The following SEPTIN4 variants were observed in gnomAD, a reference collection of about 807,000 sequenced individuals.
The protein encoded by SEPTIN4 is septin-4.
A neutral mutation model predicts 107.1 loss-of-function variants in SEPTIN4; 52 were observed. The observed-to-expected ratio is 0.49, with a 90% CI of 0.39 to 0.61. SEPTIN4 has a LOEUF of 0.61. Ranked by LOEUF, SEPTIN4 falls within the 20% of genes least tolerant of loss-of-function variation. The pLI is 0.00. For missense variants in SEPTIN4, 1,048 were observed against 1,243.5 expected (o/e 0.84, Z 2.36); for synonymous variants, 417 against 467.0 (o/e 0.89, Z 1.38).
rs371430069 is a variant in SEPTIN4, at chr17:58,521,092, G to A, written c.2737C>T (p.Leu913=). ...TMLVRTHMQD[L]KDVTRETHYE... ...TGTGTCTCCCGTGTCACATCCTTCA[G>A]GTCCTGCATGTGGGTACGTACCAGC... Residue 913 remains leucine (L), a synonymous_variant, in exon 12 of 14, where the codon CTG becomes TTG. Coordinates refer to ENST00000672673, the MANE Select transcript of SEPTIN4 (RefSeq NM_001368771.2). This position sits in a 1 kb window ranked among gnomAD's most constrained non-coding sequence, Gnocchi z 6.4. 5.1e-5 allele frequency: 82 copies of A among 1,614,054 alleles called. No individual in the cohort carries two copies. The highest frequency in any genetic ancestry group is 3.3e-4 in the Middle Eastern group (2 of 6,084).
Position 58,544,036 on chromosome 17 carries a change from G to T in SEPTIN4, c.151C>A (p.Arg51=). 2 of 1,614,122 alleles carry T rather than the reference G, an allele frequency of 1.2e-6. No homozygotes were observed. Among genetic ancestry groups the T allele is most frequent in the Non-Finnish European group, 1.7e-6 (2 of 1,180,032 alleles). ...SAAVSLNPSH[R]RSEAAHPTTP... is the part of the protein sequence containing the mutation. ...GTGGGATGTGCAGCTTCTGATCTTCGGTGGGAAGGGTTCAGGGAGACTGCA... is the reference window on the plus strand; with the variant it reads ...GTGGGATGTGCAGCTTCTGATCTTCTGTGGGAAGGGTTCAGGGAGACTGCA... Residue 51 remains arginine (R), a synonymous_variant, in exon 1 of 14, where the codon CGA becomes AGA. Transcript: ENST00000672673.
Position 58,521,853 on chromosome 17 carries a change from C to T in SEPTIN4, c.2352G>A (p.Gly784=). The change falls in exon 9 of 14, where the codon GGG becomes GGA. Residue 784 remains glycine, a splice_region_variant and synonymous_variant. Coordinates refer to ENST00000672673, the MANE Select transcript of SEPTIN4 (RefSeq NM_001368771.2). This position sits in a 1 kb window ranked among gnomAD's most constrained non-coding sequence, Gnocchi z 6.4. Reference sequence around the variant, plus strand: ...TGAATTCAACATCCAATGGCCGGAGCCTGGGGAACAGGAACCTGTGACCAC... The same window carrying T: ...TGAATTCAACATCCAATGGCCGGAGTCTGGGGAACAGGAACCTGTGACCAC... The part of the protein sequence containing the change: ...CLYFISPFGH[G]LRPLDVEFMK... The T allele has an allele frequency of 4.3e-6, 7 of 1,614,200 alleles. No individual in the cohort carries two copies. Among genetic ancestry groups the T allele is most frequent in the Non-Finnish European group, 5.9e-6 (7 of 1,180,040 alleles).
At position 58,526,976 on chromosome 17, in the gene SEPTIN4, G is replaced by A. The variant is rs200119256; in HGVS notation, c.1617C>T (p.Ile539=). 1 of 1,614,066 alleles carries A rather than the reference G, an allele frequency of 6.2e-7. No homozygotes were observed. The highest frequency in any genetic ancestry group is 2.2e-5 in the East Asian group (1 of 44,882). ...CCGTGGTGTCCTCCAGGAAACGCTT[G>A]ATCTGGGGGAAGCGGGGTGGGTAGA... The part of the protein sequence containing the change: ...RVIWWLKDEE[I]KRFLEDTTDD... The change falls in exon 4 of 14, where the codon ATC becomes ATT. Residue 539 remains isoleucine (I), a splice_region_variant and synonymous_variant. Transcript: ENST00000672673.
chr17:58,521,171 A>G lies in SEPTIN4; in HGVS notation c.2669-11T>C. ...GCCCTGGGTTTTCCACTGCATAGCA[A>G]GGCTAGGGGTCAGCCAGAGGCATAG... On this transcript the variant is annotated splice_polypyrimidine_tract_variant and intron_variant, in intron 11 of 13. Coordinates refer to ENST00000672673, the MANE Select transcript of SEPTIN4 (RefSeq NM_001368771.2). This position sits in a 1 kb window ranked among gnomAD's most constrained non-coding sequence, Gnocchi z 6.4. 1 of 1,614,178 alleles carries G rather than the reference A, an allele frequency of 6.2e-7. No homozygotes were observed. The highest frequency in any genetic ancestry group is 1.1e-5 in the South Asian group (1 of 91,082).
intron 4 of SEPTIN4, 167 bp downstream of exon 4, chr17:58,526,515 T>C (rs866778979): frequency 1.4e-6 from 2 of 1,396,612 alleles, no homozygotes; most frequent in Middle Eastern, 1.9e-4. Flanking sequence ...TGGGGGCAGA[T>C]ATCTTGGAGC....
Position 58,520,998 on chromosome 17 carries a change from T to C in SEPTIN4, c.2831A>G (p.Asn944Ser). 2 of 1,614,006 alleles carry C rather than the reference T, an allele frequency of 1.2e-6. No individual in the cohort carries two copies. The highest frequency in any genetic ancestry group is 1.7e-6 in the Non-Finnish European group (2 of 1,179,998). Residue 944 changes from asparagine to serine, a missense_variant and splice_region_variant, in exon 12 of 14, where the codon AAC becomes AGC. By Grantham distance (46) the Asn-to-Ser change is conservative (BLOSUM62 1). Transcript: ENST00000672673. ...GCTTTGTCCTGGCTTCTGGTCATAC[T>C]TGCGATTCCGTTCCTTCACCACCAG... ...TRLVVKERNR[N>S]KLTRESGTDF...
intron 7 of SEPTIN4, among the ~76,000 whole-genome samples, chr17:58,522,723 C>G (rs2042409728): frequency 6.6e-6 from 1 of 151,392 alleles, no homozygotes. Flanking sequence ...CAAATACCAA[C>G]TGGAAGCCAG....
At chr17:58,520,917 G>A in intron 12 of SEPTIN4, 75 bp from the exon 13 acceptor site, 1 of 1,611,792 alleles carries the variant, frequency 6.2e-7, no homozygotes, top group Non-Finnish European at 8.5e-7. Flanking sequence ...GCCTATAGAA[G>A]AACAAAAGTA....
chr17:58,531,850 C>G (rs2043493636), intron 3 of SEPTIN4: 1 of 1,026,374 alleles, frequency 9.7e-7, no homozygotes, highest in African/African-American at 1.7e-5. Flanking sequence ...GCCTCCCACC[C>G]TGCACAGCCG....
chr17:58,532,825 G>C (rs2043566726), intron 3 of SEPTIN4, among the ~76,000 whole-genome samples: 1 of 152,210 alleles, frequency 6.6e-6, no homozygotes, highest in Non-Finnish European at 1.5e-5. Context: ...TGCCCCAGAA[G>C]CTTTAGAGGC....
chr17:58,529,940 T>C (rs924597384), intron 3 of SEPTIN4: 1 of 152,148 alleles, frequency 6.6e-6, no homozygotes, highest in South Asian at 2.1e-4. Flanking sequence ...CTCTGACTTA[T>C]AGCAACCTGT....
Position 58,521,418 on chromosome 17 carries a change from ATCT to A in SEPTIN4, c.2572-71_2572-69del. The A allele has an allele frequency of 1.3e-5, 21 of 1,574,688 alleles. No homozygotes were observed. The highest frequency in any genetic ancestry group is 1.7e-5 in the Non-Finnish European group (20 of 1,144,404). ...CCTCTTTCTTTCCACCTGTATCGTC[ATCT>A]TCTCTGCTTCATTCTAGGAAGCCAG... On this transcript the variant is annotated intron_variant, in intron 10 of 13. Coordinates refer to ENST00000672673, the MANE Select transcript of SEPTIN4 (RefSeq NM_001368771.2). This position sits in a 1 kb window ranked among gnomAD's most constrained non-coding sequence, Gnocchi z 6.4.
chr17:58,526,691 A>G lies in SEPTIN4; in HGVS notation c.1902T>C (p.Asp634=), dbSNP rs1458330740. 3 of 1,572,906 alleles carry G rather than the reference A, an allele frequency of 1.9e-6. No homozygotes were observed. Among genetic ancestry groups the G allele is most frequent in the Non-Finnish European group, 1.7e-6 (2 of 1,163,812 alleles). ...GGGCTGGAGGCTCTACCTCAGAGGA[A>G]TCATAGGGATCAAGCTTGCCCCATG... The part of the protein sequence containing the change: ...RSPWGKLDPY[D]SSEDDKEYVG... Residue 634 remains aspartate (D), a synonymous_variant, in exon 4 of 14, where the codon GAT becomes GAC. Transcript: ENST00000672673.
In SEPTIN4 at chr17:58,526,920, T is replaced by A; in HGVS notation, c.1673A>T (p.Asp558Val). 6.2e-7 allele frequency: 1 copy of A among 1,614,060 alleles called. No homozygotes were observed. The highest frequency in any genetic ancestry group is 8.5e-7 in the Non-Finnish European group (1 of 1,180,008). ...DDGELSKFVK[D>V]FSGNASCHPP... ...GTGGCAGCTCGCATTTCCTGAGAAA[T>A]CCTTCACGAACTTGCTCAGTTCTCC... The change falls in exon 4 of 14, where the codon GAT becomes GTT. Residue 558 changes from aspartate (D) to valine (V), a missense_variant. Around this residue, in one of 2 missense-constraint regions of SEPTIN4, gnomAD observed 787 missense variants for 871.8 expected, o/e 0.90. Transcript: ENST00000672673.
chr17:58,540,103 C>T (rs1295240880), intron 3 of SEPTIN4, among the ~76,000 whole-genome samples: 1 of 152,180 alleles, frequency 6.6e-6, no homozygotes, highest in East Asian at 1.9e-4. Flanking sequence ...CTTTGACCAT[C>T]TTATCAAACA....
chr17:58,524,089 T>TA (rs1598265820), intron 7 of SEPTIN4, among the ~76,000 whole-genome samples: 1 of 152,346 alleles, frequency 6.6e-6, no homozygotes, highest in East Asian at 1.9e-4. Flanking sequence ...TTGAACTCTC[T>TA]GTCTAGGGCT....
chr17:58,543,546 C>T lies in SEPTIN4; in HGVS notation c.641G>A (p.Ser214Asn), dbSNP rs1446378695. The part of the protein sequence containing the change: ...TEPIQRITTT[S>N]EIRSPRSPSL... ...GGGACTCCTTGGAGATCTGATCTCA[C>T]TAGTAGTCGTAATTCTTTGGATGGG... is the stretch of plus-strand genomic sequence containing the variant. The change falls in exon 1 of 14, where the codon AGT becomes AAT. Residue 214 changes from serine (S) to asparagine (N), a missense_variant. Ser to Asn is a conservative substitution (Grantham distance 46). Around this residue, in one of 2 missense-constraint regions of SEPTIN4, gnomAD observed 787 missense variants for 871.8 expected, o/e 0.90. Coordinates refer to ENST00000672673, the MANE Select transcript of SEPTIN4 (RefSeq NM_001368771.2). 1 of 1,614,068 alleles carries T rather than the reference C, an allele frequency of 6.2e-7. No homozygotes were observed. Among genetic ancestry groups the T allele is most frequent in the Admixed American group, 1.7e-5 (1 of 59,994 alleles).
chr17:58,526,341 A>G, intron 4 of SEPTIN4, 28 bp from the exon 5 acceptor site: 1 of 1,508,306 alleles, frequency 6.6e-7, no homozygotes. Context: ...AGAATGCATC[A>G]CGGTGAGGAG....
chr17:58,522,210 G>GTTATT, intron 7 of SEPTIN4, 109 bp from the exon 8 acceptor site: 1 of 1,391,760 alleles, frequency 7.2e-7, no homozygotes, highest in Non-Finnish European at 9.9e-7. Flanking sequence ...TTAAGACACT[G>GTTATT]TTATTCCCTG....
Sources: gnomAD v4.1 joint callset for allele counts (sites outside exome capture counted in the v4.1 genomes callset) on GRCh38, gnomAD v4.1.1 for gene constraint, gnomAD v4.1.1 regional missense constraint, Gnocchi (gnomAD v3.1) non-coding constraint, MANE v1.5 for transcripts, NCBI Gene and HGNC (gene_info 2026-07-23, HGNC 2026-07-21) for gene names.